SLC9B1: variants seen among roughly 807,000 people sequenced by gnomAD.
The protein encoded by SLC9B1 is sodium/hydrogen exchanger 9B1.
Under a neutral mutation model 51.7 loss-of-function variants are expected in SLC9B1, and 32 were observed. That is an observed-to-expected ratio of 0.62 (90% CI 0.47 to 0.83). The LOEUF is 0.83. Ranked by LOEUF, SLC9B1 falls within the 40% of genes least tolerant of loss-of-function variation. The probability of loss-of-function intolerance (pLI) is 0.00; values close to 1 mark genes in which losing one functional copy is unlikely to be tolerated. For missense variants in SLC9B1, 406 were observed against 613.2 expected (o/e 0.66, Z 3.57); for synonymous variants, 145 against 212.7 (o/e 0.68, Z 2.77).
intron 11 of SLC9B1, chr4:102,887,644 A>G: frequency 2.6e-6 from 1 of 388,300 alleles, no homozygotes; most frequent in Non-Finnish European, 4.7e-6. Flanking sequence ...TCTTCCAACA[A>G]TAAAATCACT....
chr4:102,925,455 G>T (rs1349688033), intron 7 of SLC9B1, among the ~76,000 whole-genome samples: 1 of 152,024 alleles, frequency 6.6e-6, no homozygotes, highest in Non-Finnish European at 1.5e-5. Flanking sequence ...TAATGTAAAT[G>T]ACGAGTTAAT....
chr4:102,992,215 T>A (rs897551058), intron 1 of SLC9B1, among the ~76,000 whole-genome samples: 2 of 152,142 alleles, frequency 1.3e-5, no homozygotes, highest in South Asian at 4.1e-4. Context: ...TTTAAATATA[T>A]CTATAAAGTT....
At chr4:102,913,854 C>T (rs375430241) in intron 7 of SLC9B1, among the ~76,000 whole-genome samples, 1 of 131,856 alleles carries the variant, frequency 7.6e-6, no homozygotes, top group East Asian at 2.3e-4. Context: ...AGGAATACAA[C>T]AGCTCAATTG....
chr4:102,910,452 C>T lies in SLC9B1; in HGVS notation c.1073G>A (p.Trp358Ter). ...LVLSFIAGTK[W>*]SQEKMKVQKI... ...AAAAATATTCACCTTTTCTTGGGAC[C>T]ATTTTGTCCCTGCAATGAAACTCAA... The change falls in exon 9 of 12, where the codon TGG (tryptophan) becomes TAG (stop). Residue 358 changes from tryptophan to a stop codon, truncating the protein, a stop_gained. Transcript: ENST00000296422. LOFTEE classifies it high-confidence loss of function. The T allele has an allele frequency of 2.6e-6, 4 of 1,547,822 alleles. No homozygotes were observed. Among genetic ancestry groups the T allele is most frequent in the Non-Finnish European group, 3.5e-6 (4 of 1,156,188 alleles).
chr4:103,005,364 A>G (rs1740729746), intron 1 of SLC9B1, among the ~76,000 whole-genome samples: 1 of 152,136 alleles, frequency 6.6e-6, no homozygotes, highest in South Asian at 2.1e-4. Flanking sequence ...AAAGAAGGAC[A>G]TTACATAATG....
At chr4:102,986,275 T>C (rs1453416212) in intron 3 of SLC9B1, among the ~76,000 whole-genome samples, 1 of 150,988 alleles carries the variant, frequency 6.6e-6, no homozygotes. Context: ...TTTCTCTCTC[T>C]CAACATTTTA....
Position 102,938,544 on chromosome 4 carries a change from A to G in SLC9B1, c.654-6245T>C, listed in dbSNP as rs550172345. On this transcript the variant is annotated intron_variant, in intron 6 of 11. Transcript: ENST00000296422. ...TGGACCTAACAGCCATCTACAGAAC[A>G]CTCCACCCAACAACAACAGAATATA... is the stretch of plus-strand genomic sequence containing the variant. 3.3e-5 allele frequency among the ~76,000 whole-genome samples: 5 copies of G among 152,238 alleles called. No individual in the cohort carries two copies. In the South Asian group the frequency reaches 1.0e-3, roughly 32 times the overall value.
intron 3 of SLC9B1, among the ~76,000 whole-genome samples, chr4:102,956,519 G>A (rs898257057): frequency 2.0e-5 from 3 of 152,106 alleles, no homozygotes; most frequent in Non-Finnish European, 4.4e-5. Context: ...AGATTATTTG[G>A]CAGACAGTGG....
chr4:102,989,597 C>A (rs897572339), intron 3 of SLC9B1, among the ~76,000 whole-genome samples: 5 of 151,828 alleles, frequency 3.3e-5, no homozygotes, highest in South Asian at 2.1e-4. Context: ...AAAACATACA[C>A]CTCCTAGGCA....
chr4:102,943,797 A>C (rs923383718), intron 6 of SLC9B1, among the ~76,000 whole-genome samples: 3 of 152,148 alleles, frequency 2.0e-5, no homozygotes, highest in Non-Finnish European at 4.4e-5. Flanking sequence ...TGCAGTGTAC[A>C]CTGCTCTGGT....
At chr4:102,906,668 A>G (rs746086092) in intron 9 of SLC9B1, 24 bp from the exon 10 acceptor site, 2 of 1,367,202 alleles carry the variant, frequency 1.5e-6, no homozygotes, top group Non-Finnish European at 2.0e-6. Flanking sequence ...AAATACATTT[A>G]TAATGATTTT....
chr4:102,974,323 A>G (rs1334705886), intron 3 of SLC9B1, among the ~76,000 whole-genome samples: 1 of 151,082 alleles, frequency 6.6e-6, no homozygotes, highest in African/African-American at 2.4e-5. Flanking sequence ...GTAGAAATAG[A>G]CATTAATAAA....
chr4:102,930,776 G>T (rs1287006013), intron 7 of SLC9B1, among the ~76,000 whole-genome samples: 1 of 152,072 alleles, frequency 6.6e-6, no homozygotes, highest in Non-Finnish European at 1.5e-5. Context: ...AAATATTGGA[G>T]TCAAGTTTAA....
intron 1 of SLC9B1, among the ~76,000 whole-genome samples, chr4:103,016,125 ACTCTGTCTC>A (rs1741309252): frequency 1.4e-5 from 2 of 147,336 alleles, no homozygotes; most frequent in Non-Finnish European, 3.0e-5. Context: ...CAAGAGCCAA[ACTCTGTCTC>A]AAAAAAAAAA....
At position 103,017,856 on chromosome 4, in the gene SLC9B1, C is replaced by T. The variant is rs76316079; in HGVS notation, c.-2+1743G>A. Reference sequence around the variant, plus strand: ...ATTGTATTCACAATGCCTAAAACAACGCCTGACAAAGTAGGATATTCTTTA... The same window carrying T: ...ATTGTATTCACAATGCCTAAAACAATGCCTGACAAAGTAGGATATTCTTTA... On this transcript the variant is annotated intron_variant, in intron 1 of 11. Transcript: ENST00000296422. 9.4e-3 allele frequency among the ~76,000 whole-genome samples: 1,431 copies of T among 152,302 alleles called. 15 individuals are homozygous for T. Among genetic ancestry groups the T allele is most frequent in the African/African-American group, 0.031 (1,282 of 41,554 alleles).
intron 3 of SLC9B1, among the ~76,000 whole-genome samples, chr4:102,977,387 CTGG>C (rs1739133526): frequency 6.6e-6 from 1 of 151,236 alleles, no homozygotes; most frequent in Non-Finnish European, 1.5e-5. Context: ...TTTGACTACA[CTGG>C]TGTAAGTGAC....
At chr4:102,917,465 A>ATATCTATATCTATATC (rs1735638114) in intron 7 of SLC9B1, among the ~76,000 whole-genome samples, 1 of 151,638 alleles carries the variant, frequency 6.6e-6, no homozygotes, top group African/African-American at 2.4e-5. Flanking sequence ...ATCTATATCT[A>ATATCTATATCTATATC]TATCTATATC....
At chr4:102,888,280 T>TC (rs1734042234) in intron 11 of SLC9B1, 1 of 152,222 alleles carries the variant, frequency 6.6e-6, no homozygotes, top group South Asian at 2.1e-4. Context: ...AATACAGTCA[T>TC]CCCTTGTATA....
At chr4:102,995,428 T>C (rs937026069) in intron 1 of SLC9B1, among the ~76,000 whole-genome samples, 3 of 152,112 alleles carry the variant, frequency 2.0e-5, no homozygotes, top group African/African-American at 4.8e-5. Flanking sequence ...CCAAGAATCA[T>C]ACAAATGGAG....
Sources: gnomAD v4.1 joint callset for allele counts (sites outside exome capture counted in the v4.1 genomes callset) on GRCh38, gnomAD v4.1.1 for gene constraint, MANE v1.5 for transcripts, NCBI Gene and HGNC (gene_info 2026-07-23, HGNC 2026-07-21) for gene names.